Variants in SGCZ observed in about 807,000 individuals in gnomAD.
SGCZ encodes the protein sarcoglycan zeta, also known as zeta-sarcoglycan.
Under a neutral mutation model 41.3 loss-of-function variants are expected in SGCZ, and 40 were observed. The ratio of observed to expected loss-of-function variants is 0.97; its 90% CI spans 0.75 to 1.26. The LOEUF (loss-of-function observed/expected upper bound fraction) is 1.26. Ranked by LOEUF, SGCZ falls within the 50% of genes most tolerant of loss-of-function variation. The pLI, the probability that SGCZ is intolerant of heterozygous loss-of-function variation, is 0.00. For missense variants in SGCZ, 552 were observed against 369.8 expected (o/e 1.49, Z -4.04); for synonymous variants, 206 against 137.5 (o/e 1.50, Z -3.49).
Position 14,674,928 on chromosome 8 carries a change from G to GCT in SGCZ, c.40-120003_40-120002insAG, listed in dbSNP as rs1554478141. Among the ~76,000 whole-genome samples, 196 of 71,002 alleles carry GCT rather than the reference G, an allele frequency of 2.8e-3. 38 individuals are homozygous for GCT. The highest frequency in any genetic ancestry group is 6.8e-3 in the African/African-American group (133 of 19,690). 46.6% of individuals were successfully genotyped at this position (71,002 alleles called of 152,430 possible). ...GCCAATTTAACCTCTTTTCTTTTCT[G>GCT]TTTTTTTTTTTTTTTTTTTTTTTTT... On this transcript the variant is annotated intron_variant, in intron 1 of 7. Transcript: ENST00000382080.
intron 1 of SGCZ, among the ~76,000 whole-genome samples, chr8:15,000,429 A>G (rs1377680597): frequency 6.6e-6 from 1 of 152,194 alleles, no homozygotes; most frequent in Non-Finnish European, 1.5e-5. Context: ...TGCGAGTCCT[A>G]CATAAGGCCT....
chr8:14,590,545 T>G (rs1805207167), intron 1 of SGCZ, among the ~76,000 whole-genome samples: 1 of 151,000 alleles, frequency 6.6e-6, no homozygotes, highest in Admixed American at 6.6e-5. Context: ...CTATTATTTC[T>G]TCTTTCTATA....
intron 1 of SGCZ, among the ~76,000 whole-genome samples, chr8:15,174,326 C>T (rs1318482202): frequency 6.6e-6 from 1 of 152,162 alleles, no homozygotes; most frequent in Non-Finnish European, 1.5e-5. Flanking sequence ...CAATTGACTT[C>T]AGTGTTTGGG....
At chr8:14,662,973 A>G (rs1489120111) in intron 1 of SGCZ, among the ~76,000 whole-genome samples, 1 of 152,176 alleles carries the variant, frequency 6.6e-6, no homozygotes, top group African/African-American at 2.4e-5. Flanking sequence ...TCAGTCTTAC[A>G]GTCTCAAGGA....
chr8:15,178,302 T>C (rs1264823288), intron 1 of SGCZ, among the ~76,000 whole-genome samples: 1 of 152,166 alleles, frequency 6.6e-6, no homozygotes, highest in Non-Finnish European at 1.5e-5. Context: ...GTTTTACCAA[T>C]CACCTAAATA....
intron 5 of SGCZ, among the ~76,000 whole-genome samples, chr8:14,117,069 T>A (rs1585149408): frequency 6.6e-6 from 1 of 152,076 alleles, no homozygotes; most frequent in Non-Finnish European, 1.5e-5. Flanking sequence ...CATAATATCT[T>A]TAAAGATGGC....
At chr8:14,217,039 G>A (rs1403781094) in intron 4 of SGCZ, among the ~76,000 whole-genome samples, 2 of 152,154 alleles carry the variant, frequency 1.3e-5, no homozygotes, top group African/African-American at 4.8e-5. Flanking sequence ...TGTAATCCCA[G>A]CACTTTGGGA....
intron 1 of SGCZ, among the ~76,000 whole-genome samples, chr8:14,978,652 T>C (rs985242824): frequency 2.6e-5 from 4 of 152,006 alleles, no homozygotes; most frequent in African/African-American, 7.3e-5. Flanking sequence ...CTGAAACAAG[T>C]CTTCAAATCT....
chr8:14,844,363 T>C (rs768878563), intron 1 of SGCZ, among the ~76,000 whole-genome samples: 1 of 152,278 alleles, frequency 6.6e-6, no homozygotes, highest in Non-Finnish European at 1.5e-5. Context: ...GAGAGAATAA[T>C]ATATCCTTTC....
chr8:14,917,677 A>G (rs1483080064), intron 1 of SGCZ, among the ~76,000 whole-genome samples: 1 of 151,982 alleles, frequency 6.6e-6, no homozygotes, highest in African/African-American at 2.4e-5. Context: ...TTTCTACACA[A>G]GTTTTCAGGC....
At chr8:14,436,998 GAAATAGATTCATC>G (rs541123647) in intron 2 of SGCZ, among the ~76,000 whole-genome samples, 388 of 152,254 alleles carry the variant, frequency 2.5e-3, no homozygotes, top group African/African-American at 8.7e-3. Flanking sequence ...CCAGAATTTT[GAAATAGATTCATC>G]CTTTACCAGG....
chr8:15,135,843 C>T (rs916061409), intron 1 of SGCZ, among the ~76,000 whole-genome samples: 16 of 152,292 alleles, frequency 1.1e-4, no homozygotes, highest in African/African-American at 3.4e-4. Context: ...AGAGGGATTG[C>T]TCCTTGAGGA....
chr8:14,292,477 A>G (rs1273481531), intron 3 of SGCZ, among the ~76,000 whole-genome samples: 1 of 152,074 alleles, frequency 6.6e-6, no homozygotes, highest in African/African-American at 2.4e-5. Flanking sequence ...ACAGTAAACT[A>G]GAGATCAACA....
intron 1 of SGCZ, among the ~76,000 whole-genome samples, chr8:15,194,382 T>C (rs1800649307): frequency 6.6e-6 from 1 of 152,170 alleles, no homozygotes; most frequent in South Asian, 2.1e-4. Context: ...ACAAACATTG[T>C]TCTATAACTT....
intron 4 of SGCZ, among the ~76,000 whole-genome samples, chr8:14,223,485 T>C (rs1450078259): frequency 6.6e-6 from 1 of 152,148 alleles, no homozygotes; most frequent in Non-Finnish European, 1.5e-5. Flanking sequence ...TTAATAGAAT[T>C]CAATTTACTA....
At chr8:14,910,353 C>T (rs1056478900) in intron 1 of SGCZ, among the ~76,000 whole-genome samples, 1 of 151,976 alleles carries the variant, frequency 6.6e-6, no homozygotes, top group South Asian at 2.1e-4. Flanking sequence ...CCATTTAATA[C>T]ATAAGGACAC....
At chr8:14,640,427 T>C (rs1190989333) in intron 1 of SGCZ, among the ~76,000 whole-genome samples, 2 of 151,788 alleles carry the variant, frequency 1.3e-5, no homozygotes. Flanking sequence ...TAAAGATTAT[T>C]GTTTTGTAAG....
chr8:15,152,363 A>G (rs1799201948), intron 1 of SGCZ, among the ~76,000 whole-genome samples: 1 of 152,228 alleles, frequency 6.6e-6, no homozygotes, highest in Non-Finnish European at 1.5e-5. Context: ...GAAAGAAGGC[A>G]GTGGTACAGG....
intron 2 of SGCZ, among the ~76,000 whole-genome samples, chr8:14,341,980 A>G (rs1802727302): frequency 6.6e-6 from 1 of 152,178 alleles, no homozygotes; most frequent in Non-Finnish European, 1.5e-5. Context: ...TGTTGTTGAA[A>G]AGATACCCTA....
Sources: allele counts gnomAD v4.1 joint callset (sites outside exome capture counted in the v4.1 genomes callset), GRCh38; gene constraint gnomAD v4.1.1; transcripts MANE v1.5; gene names NCBI Gene and HGNC (gene_info 2026-07-23, HGNC 2026-07-21).